IGLL5: variants seen among roughly 807,000 people sequenced by gnomAD.
IGLL5 encodes immunoglobulin lambda-like polypeptide 5.
Under a neutral mutation model 20.9 loss-of-function variants are expected in IGLL5, and 30 were observed. That is an observed-to-expected ratio of 1.44 (90% CI 1.07 to 1.95). The LOEUF (loss-of-function observed/expected upper bound fraction) is 1.95, where lower values mean the gene tolerates loss of function less well. Among genes scored for constraint, IGLL5 ranks in the 30% most tolerant of loss-of-function variants. IGLL5 has a pLI of 0.00. For synonymous variants in IGLL5, 203 were observed against 117.3 expected (o/e 1.73, Z -4.72); for missense variants, 475 against 270.7 (o/e 1.75, Z -5.30).
intron 2 of IGLL5, among the ~76,000 whole-genome samples, chr22:22,894,201 TG>T (rs2067998205): frequency 6.6e-6 from 1 of 151,194 alleles, no homozygotes; most frequent in African/African-American, 2.4e-5. Context: ...GCCTGGGAGC[TG>T]CTGAGTCTCA....
chr22:22,894,371 T>A, intron 2 of IGLL5, among the ~76,000 whole-genome samples: 1 of 151,474 alleles, frequency 6.6e-6, no homozygotes, highest in East Asian at 2.0e-4. Context: ...GCTGCAGCTC[T>A]GTGGCCTGTG....
At chr22:22,888,771 C>G (rs1207410729) in intron 1 of IGLL5, among the ~76,000 whole-genome samples, 1 of 151,430 alleles carries the variant, frequency 6.6e-6, no homozygotes. Context: ...TGGGGCCAGG[C>G]TCAAGGACAC....
intron 1 of IGLL5, among the ~76,000 whole-genome samples, chr22:22,888,788 G>A (rs538047632): frequency 2.0e-5 from 3 of 151,460 alleles, no homozygotes; most frequent in South Asian, 2.1e-4. Flanking sequence ...ACACAGGGAG[G>A]GTGGGATGAA....
chr22:22,889,568 A>G (rs954533595), intron 1 of IGLL5, among the ~76,000 whole-genome samples: 3 of 151,246 alleles, frequency 2.0e-5, no homozygotes, highest in Admixed American at 6.6e-5. Flanking sequence ...GGTGTGAAAA[A>G]ACACAATTGT....
At chr22:22,889,039 A>C (rs1396902781) in intron 1 of IGLL5, among the ~76,000 whole-genome samples, 3 of 151,422 alleles carry the variant, frequency 2.0e-5, no homozygotes, top group Admixed American at 6.6e-5. Flanking sequence ...TCCGTGCACC[A>C]TTCCCAGTCC....
intron 1 of IGLL5, among the ~76,000 whole-genome samples, chr22:22,891,728 T>C (rs1419118821): frequency 1.3e-5 from 2 of 151,400 alleles, no homozygotes; most frequent in African/African-American, 4.8e-5. Context: ...CTTTGTTTTT[T>C]ATTCATAAAG....
chr22:22,890,165 C>CAA (rs112765694), intron 1 of IGLL5, among the ~76,000 whole-genome samples: 5 of 106,508 alleles, frequency 4.7e-5, no homozygotes, highest in African/African-American at 1.6e-4. Context: ...TTTTTCTTGC[C>CAA]AAAAAAAAAA....
intron 2 of IGLL5, among the ~76,000 whole-genome samples, chr22:22,894,582 A>T (rs542436199): frequency 6.6e-6 from 1 of 151,432 alleles, no homozygotes; most frequent in African/African-American, 2.4e-5. Context: ...AGGGCATGTT[A>T]GACTCAGGAA....
chr22:22,892,404 G>A (rs545722235), intron 1 of IGLL5, among the ~76,000 whole-genome samples: 2 of 151,216 alleles, frequency 1.3e-5, no homozygotes, highest in East Asian at 2.0e-4. Context: ...AAAACCTGAG[G>A]ATGGTTGCCA....
chr22:22,889,190 T>C (rs547989911), intron 1 of IGLL5, among the ~76,000 whole-genome samples: 1 of 150,880 alleles, frequency 6.6e-6, no homozygotes, highest in East Asian at 2.0e-4. Flanking sequence ...AAGTCCAGGG[T>C]AGGTGGGGAT....
intron 2 of IGLL5, among the ~76,000 whole-genome samples, chr22:22,894,951 A>T (rs1601629589): frequency 6.6e-6 from 1 of 151,500 alleles, no homozygotes; most frequent in African/African-American, 2.4e-5. Context: ...CAGGATGAGC[A>T]GGGGACCCAC....
chr22:22,889,221 G>A (rs543217963), intron 1 of IGLL5, among the ~76,000 whole-genome samples: 2 of 151,136 alleles, frequency 1.3e-5, no homozygotes, highest in African/African-American at 4.9e-5. Context: ...GCCGTGCCTT[G>A]GGGATGGGGA....
intron 2 of IGLL5, among the ~76,000 whole-genome samples, chr22:22,894,253 G>A (rs1345981776): frequency 6.0e-5 from 9 of 151,108 alleles, no homozygotes; most frequent in South Asian, 4.2e-4. Context: ...GAGGGTCTAG[G>A]CTGAGGACTG....
chr22:22,893,979 A>ATTC (rs2067960747), intron 2 of IGLL5, among the ~76,000 whole-genome samples, 161 bp downstream of exon 2: 1 of 151,240 alleles, frequency 6.6e-6, no homozygotes, highest in Admixed American at 6.6e-5. Flanking sequence ...GTCTCCGGGT[A>ATTC]ACCGGCAGGA....
At chr22:22,894,626 A>T (rs892745236) in intron 2 of IGLL5, among the ~76,000 whole-genome samples, 2 of 150,874 alleles carry the variant, frequency 1.3e-5, no homozygotes, top group Admixed American at 6.6e-5. Context: ...GGGTGCAGAG[A>T]ACTCCATGGC....
Position 22,895,846 on chromosome 22 carries a change from C to G in IGLL5, c.*152C>G. On this transcript the variant is annotated 3_prime_UTR_variant, in exon 3 of 3. Coordinates refer to ENST00000526893, the MANE Select transcript of IGLL5 (RefSeq NM_001178126.2). ...TTGACAACCAGAAATCTTGTTTTAT[C>G]TCATTTTTTTTCTCACATAAATTGC... The G allele has an allele frequency of 1.3e-6, 1 of 798,224 alleles. No homozygotes were observed. Among genetic ancestry groups the G allele is most frequent in the Non-Finnish European group, 2.1e-6 (1 of 483,866 alleles). The allele number at this position is 798,224 out of a possible 1,614,324, so 49.4% of individuals were successfully genotyped here.
chr22:22,888,590 TGGTGGCCACTGTCCC>T, intron 1 of IGLL5, among the ~76,000 whole-genome samples: 1 of 150,672 alleles, frequency 6.6e-6, no homozygotes, highest in African/African-American at 2.4e-5. Flanking sequence ...CCACAGGGGG[TGGTGGCCACTGTCCC>T]CACAGGGTGC....
At chr22:22,894,696 C>T (rs1430643712) in intron 2 of IGLL5, among the ~76,000 whole-genome samples, 4 of 151,366 alleles carry the variant, frequency 2.6e-5, no homozygotes, top group Admixed American at 6.6e-5. Context: ...GCTGCTGAGT[C>T]TCATAGTCTG....
intron 2 of IGLL5, among the ~76,000 whole-genome samples, chr22:22,894,812 G>C: frequency 6.6e-6 from 1 of 151,408 alleles, no homozygotes; most frequent in African/African-American, 2.4e-5. Context: ...TGTCTAGGTG[G>C]AGCCCACTCC....
Sources: allele counts gnomAD v4.1 joint callset (sites outside exome capture counted in the v4.1 genomes callset), GRCh38; gene constraint gnomAD v4.1.1; transcripts MANE v1.5; gene names NCBI Gene and HGNC (gene_info 2026-07-23, HGNC 2026-07-21).